LMO7: variants seen among roughly 807,000 people sequenced by gnomAD.
LMO7 encodes the protein LIM domain 7, also known as LIM domain only protein 7.
A neutral mutation model predicts 206.5 loss-of-function variants in LMO7; 120 were observed. The ratio of observed to expected loss-of-function variants is 0.58; its 90% confidence interval spans 0.50 to 0.68. The LOEUF is 0.68. Among genes scored for constraint, LMO7 ranks in the 30% least tolerant of loss-of-function variants. The pLI, the probability that LMO7 is intolerant of heterozygous loss-of-function variation, is 0.00. For synonymous variants in LMO7, 706 were observed against 681.5 expected, an observed-to-expected ratio of 1.04 and a Z score of -0.56; for missense variants, 1,959 against 1,957.9, an observed-to-expected ratio of 1.00 and a Z score of -0.01.
chr13:75,633,311 C>G (rs2035241086), upstream of LMO7, among the ~76,000 whole-genome samples: 1 of 152,184 alleles, frequency 6.6e-6, no homozygotes, highest in Admixed American at 6.5e-5. Context: ...TCAGCAGGAA[C>G]AGTTGTATTC....
intron 4 of LMO7, among the ~76,000 whole-genome samples, chr13:75,773,166 C>T (rs1483263935): frequency 1.3e-5 from 2 of 152,032 alleles, no homozygotes; most frequent in African/African-American, 2.4e-5. Flanking sequence ...TCTGGAGGTA[C>T]AGCATTGAGT....
intron 4 of LMO7, among the ~76,000 whole-genome samples, chr13:75,769,439 C>T (rs1014887622): frequency 6.6e-6 from 1 of 151,642 alleles, no homozygotes; most frequent in Non-Finnish European, 1.5e-5. Flanking sequence ...CACAGTAAAC[C>T]TAAGAAAACA....
intron 2 of LMO7, among the ~76,000 whole-genome samples, chr13:75,726,099 A>G (rs1387927912): frequency 6.6e-6 from 1 of 151,838 alleles, no homozygotes; most frequent in African/African-American, 2.4e-5. Context: ...AGCCTAAAAA[A>G]TTAGTTCTTG....
intron 1 of LMO7, among the ~76,000 whole-genome samples, chr13:75,678,568 T>C (rs2040220967): frequency 6.6e-6 from 1 of 152,116 alleles, no homozygotes; most frequent in South Asian, 2.1e-4. Flanking sequence ...GGGACAGGAT[T>C]TACAGAGCAG....
At chr13:75,835,072 A>G (rs928774467) in intron 17 of LMO7, 161 bp from the exon 18 acceptor site, 38 of 784,314 alleles carry the variant, frequency 4.8e-5, no homozygotes, top group Non-Finnish European at 1.3e-5. Flanking sequence ...ATTTTTTTTT[A>G]TATATATGTG....
At chr13:75,695,501 C>A (rs1207605976) in intron 1 of LMO7, among the ~76,000 whole-genome samples, 1 of 152,240 alleles carries the variant, frequency 6.6e-6, no homozygotes, top group African/African-American at 2.4e-5. Flanking sequence ...CACATGCCAC[C>A]ACACCCAGCT....
chr13:75,708,325 C>T (rs1367746143), intron 1 of LMO7, among the ~76,000 whole-genome samples: 1 of 152,190 alleles, frequency 6.6e-6, no homozygotes, highest in African/African-American at 2.4e-5. Context: ...TTCCATTTTG[C>T]CACTTGCTAC....
At chr13:75,805,008 G>T in intron 8 of LMO7, 1 of 1,000,544 alleles carries the variant, frequency 1.0e-6, no homozygotes, top group South Asian at 4.5e-5. Context: ...TCCTGACATA[G>T]TTTTGGATGA....
intron 1 of LMO7, 97 bp downstream of exon 1, chr13:75,636,823 C>G (rs2035928578): frequency 8.0e-7 from 1 of 1,246,354 alleles, no homozygotes; most frequent in Non-Finnish European, 1.1e-6. Flanking sequence ...GCACTTTAGC[C>G]TCCTTCGGCG....
rs548269536 is a variant in LMO7 at position 75,858,861 on chromosome 13, G to T, written c.*918G>T. On this transcript the variant is annotated 3_prime_UTR_variant, in exon 31 of 31. Coordinates refer to ENST00000377534, the MANE Select transcript of LMO7 (RefSeq NM_001306080.2). ...AAATTTTGACATGGTGTATACCTTC[G>T]AAACTATGCCACAGTCTGGATGTGT... is the stretch of plus-strand genomic sequence containing the variant. The T allele has an allele frequency of 6.6e-6, 1 of 152,084 alleles. No individual in the cohort carries two copies. Among genetic ancestry groups the T allele is most frequent in the Non-Finnish European group, 1.5e-5 (1 of 68,012 alleles). 9.4% of individuals were successfully genotyped at this position (152,084 alleles called of 1,614,324 possible).
intron 1 of LMO7, among the ~76,000 whole-genome samples, chr13:75,638,357 T>C (rs754077103): frequency 2.0e-5 from 3 of 152,096 alleles, no homozygotes; most frequent in Non-Finnish European, 4.4e-5. Flanking sequence ...TCCAAGAAAT[T>C]TGTATGTAAT....
At position 75,693,994 on chromosome 13, in the gene LMO7, G is replaced by T. The variant is rs74637668; in HGVS notation, c.70-19188G>T. Among the ~76,000 whole-genome samples the T allele has an allele frequency of 9.1e-3, 1,375 of 151,550 alleles. 24 individuals are homozygous for T. The highest frequency in any genetic ancestry group is 0.055 in the East Asian group (283 of 5,164). On this transcript the variant is annotated intron_variant, in intron 1 of 30. Transcript: ENST00000377534. ...GTCTGTCTTTTCTTTTAATCATTTT[G>T]CTTTTAGGGGACCTTAAAATAAAAA...
chr13:75,714,177 A>G (rs893688939), intron 2 of LMO7, among the ~76,000 whole-genome samples: 1 of 152,192 alleles, frequency 6.6e-6, no homozygotes. Flanking sequence ...CAAAGGGCCT[A>G]GGTTAGATTT....
chr13:75,657,501 C>T (rs905411919), intron 1 of LMO7, among the ~76,000 whole-genome samples: 1 of 152,064 alleles, frequency 6.6e-6, no homozygotes, highest in African/African-American at 2.4e-5. Context: ...TTATGAAACT[C>T]CTGAACTACT....
At chr13:75,806,260 A>G (rs1382193578) in intron 9 of LMO7, 3 of 989,388 alleles carry the variant, frequency 3.0e-6, no homozygotes, top group East Asian at 2.2e-4. Context: ...GGATGAGCCC[A>G]GGTGCCCCTG....
intron 26 of LMO7, 56 bp downstream of exon 26, chr13:75,845,435 G>A: frequency 2.0e-6 from 2 of 990,548 alleles, no homozygotes; most frequent in Non-Finnish European, 3.2e-6. Flanking sequence ...GTGGTATCAT[G>A]TTATGAGAAG....
At chr13:75,807,203 T>C in intron 9 of LMO7, 1 of 353,102 alleles carries the variant, frequency 2.8e-6, no homozygotes. Flanking sequence ...ACCTAGTCCA[T>C]GCTCCAGCCC....
intron 1 of LMO7, among the ~76,000 whole-genome samples, chr13:75,666,782 T>C (rs1316470497): frequency 6.6e-6 from 1 of 152,242 alleles, no homozygotes; most frequent in African/African-American, 2.4e-5. Context: ...TGAGTGACTT[T>C]TGCAAGAGCA....
chr13:75,689,171 G>A (rs1330458114), intron 1 of LMO7: 1 of 151,956 alleles, frequency 6.6e-6, no homozygotes, highest in Non-Finnish European at 1.5e-5. Flanking sequence ...CTTCATTTAG[G>A]TCAGGAATAA....
Sources: allele counts gnomAD v4.1 joint callset (sites outside exome capture counted in the v4.1 genomes callset), GRCh38; gene constraint gnomAD v4.1.1; transcripts MANE v1.5; gene names NCBI Gene and HGNC (gene_info 2026-07-23, HGNC 2026-07-21).